Variants in FHOD3 observed in about 807,000 individuals in gnomAD.
The protein encoded by FHOD3 is formin homology 2 domain containing 3, also known as FH1/FH2 domain-containing protein 3.
FHOD3 carries 90 observed loss-of-function variants against 173.0 expected under a neutral mutation model. The observed-to-expected ratio is 0.52, with a 90% CI of 0.44 to 0.62. The LOEUF (loss-of-function observed/expected upper bound fraction) is 0.62. Among genes scored for constraint, FHOD3 ranks in the 20% least tolerant of loss-of-function variants. FHOD3 has a pLI of 0.00. For missense variants in FHOD3, 1,945 were observed against 2,034.7 expected (o/e 0.96, Z 0.85); for synonymous variants, 828 against 823.0 (o/e 1.01, Z -0.10).
At position 36,303,027 on chromosome 18, in the gene FHOD3, G is replaced by A. The variant is rs1216283093; in HGVS notation, c.165+5027G>A. The stretch of plus-strand genomic sequence containing the variant: ...CCAGCAGGTGCTGTCATGGCCTCTT[G>A]CAACGATCTGGGTTGGAATAGACTG... On this transcript the variant is annotated intron_variant, in intron 1 of 28. Coordinates refer to ENST00000590592, the MANE Select transcript of FHOD3 (RefSeq NM_001281740.3). Among the ~76,000 whole-genome samples, 31 of 152,200 alleles carry A rather than the reference G, an allele frequency of 2.0e-4. 1 individual carries two copies. Among genetic ancestry groups the A allele is most frequent in the Non-Finnish European group, 2.9e-5 (2 of 68,044 alleles).
At chr18:36,439,935 T>A (rs2051040945) in intron 3 of FHOD3, among the ~76,000 whole-genome samples, 1 of 152,202 alleles carries the variant, frequency 6.6e-6, no homozygotes, top group Non-Finnish European at 1.5e-5. Flanking sequence ...GAGGGGGCTC[T>A]TCTTTACTCA....
At chr18:36,618,399 G>A (rs1411855886) in intron 9 of FHOD3, among the ~76,000 whole-genome samples, 1 of 129,454 alleles carries the variant, frequency 7.7e-6, no homozygotes, top group African/African-American at 2.9e-5. Context: ...CACAACCTCC[G>A]CCTCCCGGGT....
At chr18:36,542,185 T>C (rs916881685) in intron 5 of FHOD3, among the ~76,000 whole-genome samples, 7 of 152,204 alleles carry the variant, frequency 4.6e-5, no homozygotes, top group African/African-American at 7.2e-5. Context: ...TCTTTGTCTT[T>C]TTATGAAGGC....
chr18:36,718,224 T>G lies in FHOD3; in HGVS notation c.2926T>G (p.Ser976Ala). ...ETAPVQPKTESDYIWDQLMAN... is the reference protein window; with the variant it reads ...ETAPVQPKTEADYIWDQLMAN... Reference sequence around the variant, plus strand: ...AGCGCCGGTGCAGCCGAAGACAGAGTCTGATTACATCTGGGACCAGCTCAT... The same window carrying G: ...AGCGCCGGTGCAGCCGAAGACAGAGGCTGATTACATCTGGGACCAGCTCAT... Residue 976 changes from serine to alanine, a missense_variant, in exon 19 of 29, where the codon TCT (serine) becomes GCT (alanine). This residue lies in a region of FHOD3 where 1,099 missense variants were observed against 1,051.2 expected (regional missense o/e 1.05). Transcript: ENST00000590592. The G allele has an allele frequency of 6.2e-7, 1 of 1,613,750 alleles. No individual in the cohort carries two copies. Among genetic ancestry groups the G allele is most frequent in the Non-Finnish European group, 8.5e-7 (1 of 1,179,920 alleles).
intron 19 of FHOD3, among the ~76,000 whole-genome samples, chr18:36,720,735 T>TC (rs1568670473): frequency 6.7e-6 from 1 of 148,334 alleles, no homozygotes; most frequent in Admixed American, 6.7e-5. Flanking sequence ...TCCTTCTTCT[T>TC]CTCCTCCTCC....
At chr18:36,435,762 A>G (rs2050779475) in intron 3 of FHOD3, among the ~76,000 whole-genome samples, 1 of 152,228 alleles carries the variant, frequency 6.6e-6, no homozygotes, top group African/African-American at 2.4e-5. Context: ...TAAGTGTGTA[A>G]TTTCATCATG....
chr18:36,412,463 G>T (rs2049403696), intron 3 of FHOD3, among the ~76,000 whole-genome samples: 2 of 152,134 alleles, frequency 1.3e-5, no homozygotes, highest in Admixed American at 1.3e-4. Flanking sequence ...TAAAATCAGG[G>T]TGATTGACAA....
At chr18:36,389,183 AAAGAAG>A (rs565339213) in intron 3 of FHOD3, among the ~76,000 whole-genome samples, 187 of 152,208 alleles carry the variant, frequency 1.2e-3, no homozygotes, top group African/African-American at 4.2e-3. Flanking sequence ...CTTCAAAAAA[AAAGAAG>A]AAGAAGAAGA....
intron 3 of FHOD3, among the ~76,000 whole-genome samples, chr18:36,409,223 A>G (rs1335601697): frequency 2.0e-5 from 3 of 152,206 alleles, no homozygotes; most frequent in African/African-American, 7.2e-5. Context: ...CATCTCCTTC[A>G]GCACCTGCCT....
At chr18:36,574,169 C>T (rs2058562007) in intron 5 of FHOD3, among the ~76,000 whole-genome samples, 1 of 152,168 alleles carries the variant, frequency 6.6e-6, no homozygotes, top group Non-Finnish European at 1.5e-5. Context: ...GGTAACTTTA[C>T]AAAATAATTA....
At chr18:36,706,707 C>G (rs1355425602) in intron 17 of FHOD3, among the ~76,000 whole-genome samples, 1 of 152,240 alleles carries the variant, frequency 6.6e-6, no homozygotes, top group Non-Finnish European at 1.5e-5. Flanking sequence ...TGAGTAGACA[C>G]AGGCTTATGG....
At chr18:36,594,011 C>T (rs1195553256) in intron 6 of FHOD3, among the ~76,000 whole-genome samples, 1 of 152,222 alleles carries the variant, frequency 6.6e-6, no homozygotes, top group Non-Finnish European at 1.5e-5. Context: ...CAAGTCCCTG[C>T]AGCAGCACCT....
At chr18:36,575,834 A>G (rs909187332) in intron 5 of FHOD3, among the ~76,000 whole-genome samples, 1 of 152,206 alleles carries the variant, frequency 6.6e-6, no homozygotes, top group Non-Finnish European at 1.5e-5. Flanking sequence ...GTGACTATAT[A>G]TTTTCCTAAA....
chr18:36,652,479 G>A, intron 11 of FHOD3, 91 bp from the exon 12 acceptor site: 1 of 1,400,328 alleles, frequency 7.1e-7, no homozygotes, highest in Non-Finnish European at 9.4e-7. Flanking sequence ...TACAGAAGTG[G>A]CTTTTTGCCT....
intron 14 of FHOD3, among the ~76,000 whole-genome samples, chr18:36,670,907 A>G (rs1328580074): frequency 6.6e-6 from 1 of 152,194 alleles, no homozygotes; most frequent in Non-Finnish European, 1.5e-5. Context: ...TGTTTAGTCC[A>G]ATATATTTCC....
intron 3 of FHOD3, among the ~76,000 whole-genome samples, chr18:36,496,094 G>A (rs1369821692): frequency 5.3e-5 from 8 of 152,210 alleles, no homozygotes; most frequent in Non-Finnish European, 1.5e-5. Context: ...TTTCTGTGTG[G>A]TGAAACTTGG....
chr18:36,700,524 GTGT>G (rs2039522447), intron 17 of FHOD3, among the ~76,000 whole-genome samples: 1 of 152,092 alleles, frequency 6.6e-6, no homozygotes, highest in East Asian at 1.9e-4. Flanking sequence ...AGTGTCTTTT[GTGT>G]TGTTTTCTCT....
chr18:36,748,382 A>AACACACACACACACACACACACACAC (rs532609709), intron 24 of FHOD3, among the ~76,000 whole-genome samples: 1 of 143,484 alleles, frequency 7.0e-6, no homozygotes, highest in Non-Finnish European at 1.5e-5. Context: ...ACACACACAC[A>AACACACACACACACACACACACACAC]ACACACACAC....
chr18:36,482,813 C>T (rs1010423339), intron 3 of FHOD3, among the ~76,000 whole-genome samples: 7 of 142,750 alleles, frequency 4.9e-5, no homozygotes, highest in East Asian at 2.2e-4. Flanking sequence ...CGAGATCATC[C>T]GGTGAACAAA....
Sources: allele counts gnomAD v4.1 joint callset (sites outside exome capture counted in the v4.1 genomes callset), GRCh38; gene constraint gnomAD v4.1.1; regional missense constraint gnomAD v4.1.1; transcripts MANE v1.5; gene names NCBI Gene and HGNC (gene_info 2026-07-23, HGNC 2026-07-21).